Variants in ADAMTS16 observed in about 807,000 individuals in gnomAD.
ADAMTS16 encodes the protein ADAM metallopeptidase with thrombospondin type 1 motif 16.
Under a neutral mutation model 145.8 loss-of-function variants are expected in ADAMTS16, and 94 were observed. The ratio of observed to expected loss-of-function variants is 0.64; its 90% CI spans 0.55 to 0.77. The LOEUF is 0.77. ADAMTS16 is among the 30% of genes least tolerant of loss of function. The pLI, the probability that ADAMTS16 is intolerant of heterozygous loss-of-function variation, is 0.00. For synonymous variants in ADAMTS16, 659 were observed against 604.3 expected, an observed-to-expected ratio of 1.09 and a Z score of -1.33; for missense variants, 1,585 against 1,591.5, an observed-to-expected ratio of 1.00 and a Z score of 0.07.
chr5:5,291,393 A>G (rs547352228), intron 18 of ADAMTS16, among the ~76,000 whole-genome samples: 2 of 152,296 alleles, frequency 1.3e-5, no homozygotes, highest in East Asian at 3.9e-4. Context: ...GAGGAGGAGA[A>G]GAGGCAGGGG....
intron 3 of ADAMTS16, among the ~76,000 whole-genome samples, chr5:5,160,573 A>C (rs1175834771): frequency 1.3e-5 from 2 of 152,204 alleles, no homozygotes; most frequent in African/African-American, 4.8e-5. Flanking sequence ...CCAAGTCTAA[A>C]GTCTTGAAAT....
At position 5,196,237 on chromosome 5, in the gene ADAMTS16, C is replaced by CAAAAAAAA. The variant is rs10680781; in HGVS notation, c.1314-3883_1314-3876dup. 6.0e-3 allele frequency among the ~76,000 whole-genome samples: 568 copies of CAAAAAAAA among 95,002 alleles called. 16 individuals carry two copies. The highest frequency in any genetic ancestry group is 0.022 in the African/African-American group (518 of 23,422). 62.3% of individuals were successfully genotyped at this position (95,002 alleles called of 152,430 possible). On this transcript the variant is annotated intron_variant, in intron 8 of 22. Coordinates refer to ENST00000274181, the MANE Select transcript of ADAMTS16 (RefSeq NM_139056.4). The stretch of plus-strand genomic sequence containing the variant: ...TGGGCAACAGAGAGAGCCTCCATCT[C>CAAAAAAAA]AAAAAAAAAAAAAAAAAAAGCAGCA...
chr5:5,303,661 C>A lies in ADAMTS16; in HGVS notation c.3081C>A (p.Asp1027Glu). 2.5e-6 allele frequency: 4 copies of A among 1,613,954 alleles called. No homozygotes were observed. The highest frequency in any genetic ancestry group is 2.5e-6 in the Non-Finnish European group (3 of 1,180,036). Residue 1027 changes from aspartate (D) to glutamate (E), a missense_variant, in exon 20 of 23, where the codon GAC (aspartate) becomes GAA (glutamate). By Grantham distance (45) the Asp-to-Glu change is conservative. This residue lies in a region of ADAMTS16 where 834 missense variants were observed against 811.7 expected (regional missense o/e 1.03). Coordinates refer to ENST00000274181, the MANE Select transcript of ADAMTS16 (RefSeq NM_139056.4). ...CGGCCAGAGCGCAGCTGCTGCCCGA[C>A]GCTGTCTGCACCTCCGAGCCCAAGC... ...NPSARAQLLP[D>E]AVCTSEPKPR...
intron 21 of ADAMTS16, among the ~76,000 whole-genome samples, chr5:5,312,949 C>T (rs552062625): frequency 1.3e-5 from 2 of 152,316 alleles, no homozygotes; most frequent in African/African-American, 2.4e-5. Context: ...GCCAAGCCCA[C>T]GTTCACCACC....
chr5:5,272,852 A>G (rs775504468), intron 18 of ADAMTS16, among the ~76,000 whole-genome samples: 47 of 152,212 alleles, frequency 3.1e-4, no homozygotes, highest in African/African-American at 1.1e-3. Flanking sequence ...TCAAGAAGCC[A>G]TTCTATACTG....
Position 5,140,457 on chromosome 5 carries a change from A to T in ADAMTS16, c.-11A>T, listed in dbSNP as rs751119971. ...CCTCCGGTGGCCCCTAGCCCCTCGG[A>T]GCGCTCCTGGATGAAGCCCCGCGCG... On this transcript the variant is annotated 5_prime_UTR_variant, in exon 1 of 23. Coordinates refer to ENST00000274181, the MANE Select transcript of ADAMTS16 (RefSeq NM_139056.4). 355 of 1,505,008 alleles carry T rather than the reference A, an allele frequency of 2.4e-4. No homozygotes were observed. Among genetic ancestry groups the T allele is most frequent in the Non-Finnish European group, 3.0e-4 (342 of 1,135,528 alleles). 93.2% of individuals were successfully genotyped at this position (1,505,008 alleles called of 1,614,324 possible).
chr5:5,182,048 G>C lies in ADAMTS16; in HGVS notation c.506G>C (p.Gly169Ala). ...CTTTCCTTTTATTTTTTCCAGTCAG[G>C]CATGATACGAACAGAAGAGGCAGAT... ...VALSTCQGLS[G>A]MIRTEEADYF... is the part of the protein sequence containing the mutation. Residue 169 changes from glycine to alanine, a missense_variant, in exon 4 of 23, where the codon GGC becomes GCC. Around this residue, in one of 3 missense-constraint regions of ADAMTS16, gnomAD observed 453 missense variants for 412.1 expected, o/e 1.10. Coordinates refer to ENST00000274181, the MANE Select transcript of ADAMTS16 (RefSeq NM_139056.4). The C allele has an allele frequency of 6.2e-7, 1 of 1,600,490 alleles. No homozygotes were observed. The highest frequency in any genetic ancestry group is 2.2e-5 in the East Asian group (1 of 44,622).
intron 21 of ADAMTS16, among the ~76,000 whole-genome samples, chr5:5,313,973 T>C (rs1434402778): frequency 3.3e-5 from 5 of 152,222 alleles, no homozygotes; most frequent in African/African-American, 1.2e-4. Context: ...GGCCTGCTGC[T>C]GGATAGAGAA....
At chr5:5,223,251 G>A in intron 11 of ADAMTS16, 1 of 190,216 alleles carries the variant, frequency 5.3e-6, no homozygotes, top group Admixed American at 5.6e-5. Context: ...AGACCCTGGA[G>A]CACATCATTT....
chr5:5,288,767 A>G (rs1370017712), intron 18 of ADAMTS16, among the ~76,000 whole-genome samples: 1 of 152,230 alleles, frequency 6.6e-6, no homozygotes, highest in Admixed American at 6.5e-5. Context: ...TCCAGCTGAC[A>G]AGCCAGCCTT....
At chr5:5,221,098 C>A (rs568719219) in intron 10 of ADAMTS16, among the ~76,000 whole-genome samples, 1 of 152,044 alleles carries the variant, frequency 6.6e-6, no homozygotes, top group Non-Finnish European at 1.5e-5. Context: ...GACATCGAGC[C>A]GGTGTGCACA....
At chr5:5,281,093 C>A (rs567989573) in intron 18 of ADAMTS16, among the ~76,000 whole-genome samples, 1 of 152,232 alleles carries the variant, frequency 6.6e-6, no homozygotes, top group Non-Finnish European at 1.5e-5. Flanking sequence ...CCAGGGAATA[C>A]AACTGGAGTG....
At chr5:5,287,384 T>C (rs1460662962) in intron 18 of ADAMTS16, among the ~76,000 whole-genome samples, 1 of 152,224 alleles carries the variant, frequency 6.6e-6, no homozygotes, top group African/African-American at 2.4e-5. Flanking sequence ...GAAATGACAG[T>C]ATTCCTGAGT....
At chr5:5,185,111 A>G (rs1735461591) in intron 4 of ADAMTS16, among the ~76,000 whole-genome samples, 1 of 152,188 alleles carries the variant, frequency 6.6e-6, no homozygotes, top group Non-Finnish European at 1.5e-5. Flanking sequence ...CATAAACATT[A>G]ATGGCAAATG....
At chr5:5,289,807 A>C (rs1404923435) in intron 18 of ADAMTS16, among the ~76,000 whole-genome samples, 1 of 152,152 alleles carries the variant, frequency 6.6e-6, no homozygotes, top group Non-Finnish European at 1.5e-5. Flanking sequence ...AGAGATCTCC[A>C]CCGGCCTGAA....
chr5:5,207,953 C>T (rs766426948), intron 9 of ADAMTS16, among the ~76,000 whole-genome samples: 23 of 151,994 alleles, frequency 1.5e-4, no homozygotes, highest in South Asian at 2.1e-4. Flanking sequence ...ATTTTTGTAT[C>T]GATGTTTATG....
intron 18 of ADAMTS16, among the ~76,000 whole-genome samples, chr5:5,279,262 C>G (rs140537420): frequency 1.1e-4 from 17 of 152,326 alleles, no homozygotes; most frequent in Non-Finnish European, 2.1e-4. Context: ...GCCTCCAAGG[C>G]TTCTCAGCTA....
At chr5:5,318,871 C>T (rs566994447) in intron 22 of ADAMTS16, 152 bp from the exon 23 acceptor site, 2 of 606,840 alleles carry the variant, frequency 3.3e-6, no homozygotes, top group East Asian at 2.8e-5. Flanking sequence ...ATAATAGGTT[C>T]CACGGGACCC....
At chr5:5,214,985 C>T (rs1326970984) in intron 10 of ADAMTS16, among the ~76,000 whole-genome samples, 2 of 151,908 alleles carry the variant, frequency 1.3e-5, no homozygotes, top group Non-Finnish European at 2.9e-5. Flanking sequence ...AGCAAATGGC[C>T]CAGTGCCCAG....
Sources: allele counts gnomAD v4.1 joint callset (sites outside exome capture counted in the v4.1 genomes callset), GRCh38; gene constraint gnomAD v4.1.1; regional missense constraint gnomAD v4.1.1; transcripts MANE v1.5; gene names NCBI Gene and HGNC (gene_info 2026-07-23, HGNC 2026-07-21).